Variants in PDZRN4 observed in about 807,000 individuals in gnomAD.
PDZRN4 encodes the protein PDZ domain-containing RING finger protein 4.
Under a neutral mutation model 99.0 loss-of-function variants are expected in PDZRN4, and 70 were observed. That is an observed-to-expected ratio of 0.71 (90% confidence interval 0.58 to 0.86). PDZRN4 has a LOEUF of 0.86. Ranked by LOEUF, PDZRN4 falls within the 40% of genes least tolerant of loss-of-function variation. The probability of loss-of-function intolerance (pLI) is 0.00; values close to 1 mark genes in which losing one functional copy is unlikely to be tolerated. For missense variants in PDZRN4, 1,474 were observed against 1,331.2 expected (o/e 1.11, Z -1.67); for synonymous variants, 551 against 501.6 (o/e 1.10, Z -1.32).
At chr12:41,512,852 TTTC>T (rs1938330994) in intron 5 of PDZRN4, among the ~76,000 whole-genome samples, 1 of 152,008 alleles carries the variant, frequency 6.6e-6, no homozygotes. Context: ...CTATGGCAAT[TTTC>T]TTCTGACATT....
intron 3 of PDZRN4, among the ~76,000 whole-genome samples, chr12:41,505,491 CT>C (rs1344270375): frequency 6.6e-6 from 1 of 152,124 alleles, no homozygotes; most frequent in Non-Finnish European, 1.5e-5. Flanking sequence ...TGAGAGTGGT[CT>C]GTTTTGCCTC....
intron 3 of PDZRN4, among the ~76,000 whole-genome samples, chr12:41,472,749 A>G (rs1309874183): frequency 2.0e-5 from 3 of 152,180 alleles, no homozygotes; most frequent in African/African-American, 7.2e-5. Context: ...TGGTAGTAAT[A>G]CCATTTCCAC....
intron 3 of PDZRN4, among the ~76,000 whole-genome samples, chr12:41,277,771 T>C (rs570611841): frequency 5.3e-5 from 8 of 152,310 alleles, no homozygotes; most frequent in Admixed American, 4.6e-4. Flanking sequence ...GTAGGAAAAG[T>C]AATGTTTGTT....
At chr12:41,221,710 G>GA (rs1191457162) in intron 3 of PDZRN4, among the ~76,000 whole-genome samples, 4 of 151,998 alleles carry the variant, frequency 2.6e-5, no homozygotes, top group African/African-American at 4.8e-5. Flanking sequence ...TGACTCAGGA[G>GA]AAAAAATCTG....
chr12:41,222,368 G>A (rs1034876542), intron 3 of PDZRN4, among the ~76,000 whole-genome samples: 2 of 152,034 alleles, frequency 1.3e-5, no homozygotes, highest in Admixed American at 1.3e-4. Flanking sequence ...CTGCCCTTAG[G>A]CAGCTGTGAT....
At chr12:41,197,920 G>GTTTTTTTTTTTTTTT (rs533696414) in intron 3 of PDZRN4, among the ~76,000 whole-genome samples, 5 of 115,610 alleles carry the variant, frequency 4.3e-5, no homozygotes, top group South Asian at 3.0e-4. Flanking sequence ...TTTTTTCTGG[G>GTTTTTTTTTTTTTTT]TTTTTTTTTT....
At chr12:41,493,908 G>C (rs1028361093) in intron 3 of PDZRN4, among the ~76,000 whole-genome samples, 16 of 148,214 alleles carry the variant, frequency 1.1e-4, no homozygotes, top group Non-Finnish European at 1.9e-4. Flanking sequence ...TAATGGGGGG[G>C]GGGATTCTCT....
chr12:41,290,738 A>G (rs1040252263), intron 3 of PDZRN4, among the ~76,000 whole-genome samples: 1 of 152,130 alleles, frequency 6.6e-6, no homozygotes. Flanking sequence ...ATAGGTATTC[A>G]ACAATCTTTT....
intron 3 of PDZRN4, among the ~76,000 whole-genome samples, chr12:41,389,765 T>C (rs939152017): frequency 2.0e-5 from 3 of 152,234 alleles, no homozygotes; most frequent in Non-Finnish European, 2.9e-5. Flanking sequence ...AGCTCTCCTT[T>C]GCTATTGCCC....
intron 5 of PDZRN4, among the ~76,000 whole-genome samples, chr12:41,546,352 G>T (rs1440384268): frequency 2.6e-5 from 4 of 152,150 alleles, no homozygotes; most frequent in African/African-American, 9.7e-5. Context: ...AGAAAGGCAG[G>T]ATTAGATTAT....
At position 41,495,403 on chromosome 12, in the gene PDZRN4, T is replaced by A. The variant is rs144956638; in HGVS notation, c.844-11053T>A. On this transcript the variant is annotated intron_variant, in intron 3 of 9. Coordinates refer to ENST00000402685, the MANE Select transcript of PDZRN4 (RefSeq NM_001164595.2). ...CACGGTGTGGATTAATTGATGGGAA[T>A]AGATACCGAGGCTGGCTGTTATAGA... Among the ~76,000 whole-genome samples, 94 of 152,188 alleles carry A rather than the reference T, an allele frequency of 6.2e-4. No individual in the cohort carries two copies. In the East Asian group the frequency reaches 0.011, roughly 18 times the overall value.
At chr12:41,493,897 AT>A (rs34421250) in intron 3 of PDZRN4, among the ~76,000 whole-genome samples, 20,563 of 131,880 alleles carry the variant, frequency 0.16, 1,491 homozygotes, top group South Asian at 0.25. Flanking sequence ...TATTAAAAAA[AT>A]AATGGGGGGG....
chr12:41,494,585 TTA>T (rs1386609596), intron 3 of PDZRN4, among the ~76,000 whole-genome samples: 5 of 148,116 alleles, frequency 3.4e-5, no homozygotes, highest in Non-Finnish European at 6.0e-5. Context: ...TGCATTTACT[TTA>T]TTTTTTTTTT....
At chr12:41,430,069 A>G (rs1307321712) in intron 3 of PDZRN4, among the ~76,000 whole-genome samples, 1 of 152,204 alleles carries the variant, frequency 6.6e-6, no homozygotes, top group African/African-American at 2.4e-5. Flanking sequence ...AGACCAAAAG[A>G]AATGTCACTG....
At chr12:41,542,581 C>T (rs903049792) in intron 5 of PDZRN4, among the ~76,000 whole-genome samples, 6 of 152,080 alleles carry the variant, frequency 3.9e-5, no homozygotes, top group African/African-American at 1.4e-4. Context: ...TTCCATGAAC[C>T]CCCAGACCTC....
chr12:41,305,170 T>C (rs1376355257), intron 3 of PDZRN4, among the ~76,000 whole-genome samples: 1 of 152,146 alleles, frequency 6.6e-6, no homozygotes, highest in Non-Finnish European at 1.5e-5. Flanking sequence ...GTGTTTTGCT[T>C]CCTATTCAAA....
At chr12:41,287,765 G>A (rs530242275) in intron 3 of PDZRN4, among the ~76,000 whole-genome samples, 1 of 152,340 alleles carries the variant, frequency 6.6e-6, no homozygotes, top group East Asian at 1.9e-4. Context: ...AGGATCTGCA[G>A]TTTGGACAGA....
intron 3 of PDZRN4, among the ~76,000 whole-genome samples, chr12:41,285,211 A>C (rs1951415252): frequency 6.6e-6 from 1 of 152,196 alleles, no homozygotes; most frequent in South Asian, 2.1e-4. Context: ...ATGAACAGAC[A>C]CTTCTCAAAA....
intron 3 of PDZRN4, among the ~76,000 whole-genome samples, chr12:41,487,762 C>A (rs555071528): frequency 1.3e-5 from 2 of 152,298 alleles, no homozygotes; most frequent in East Asian, 3.9e-4. Flanking sequence ...TTCTGTCACA[C>A]TTGATCACCT....
Sources: gnomAD v4.1 joint callset for allele counts (sites outside exome capture counted in the v4.1 genomes callset) on GRCh38, gnomAD v4.1.1 for gene constraint, MANE v1.5 for transcripts, NCBI Gene and HGNC (gene_info 2026-07-23, HGNC 2026-07-21) for gene names.